Variants in SMC5 observed in about 807,000 individuals in gnomAD.
SMC5 encodes the protein structural maintenance of chromosomes protein 5.
A neutral mutation model predicts 148.3 loss-of-function variants in SMC5; 88 were observed. The ratio of observed to expected loss-of-function variants is 0.59; its 90% CI spans 0.50 to 0.71. The LOEUF (loss-of-function observed/expected upper bound fraction) is 0.71. SMC5 is among the 30% of genes least tolerant of loss of function. The pLI, the probability that SMC5 is intolerant of heterozygous loss-of-function variation, is 0.00. For missense variants in SMC5, 1,142 were observed against 1,298.9 expected (o/e 0.88, Z 1.86); for synonymous variants, 421 against 432.8 (o/e 0.97, Z 0.34).
chr9:70,269,793 G>A (rs1337558694), intron 3 of SMC5, among the ~76,000 whole-genome samples: 1 of 152,154 alleles, frequency 6.6e-6, no homozygotes, highest in African/African-American at 2.4e-5. Flanking sequence ...CTGTAAAGTT[G>A]TTGATTTAAA....
At chr9:70,301,487 C>G (rs542403687) in intron 10 of SMC5, among the ~76,000 whole-genome samples, 1 of 152,318 alleles carries the variant, frequency 6.6e-6, no homozygotes, top group East Asian at 1.9e-4. Context: ...CTTTCTAGGT[C>G]TAGTTGAAAT....
In SMC5 at chr9:70,268,072, T is replaced by G; in HGVS notation, c.380+97T>G. On this transcript the variant is annotated intron_variant, in intron 3 of 24. Transcript: ENST00000361138. ...TTAGAAAAGAGTATTAATATAGTAT[T>G]ATGGCATAAATATTGGAAATAATAT... The G allele has an allele frequency of 1.9e-5, 16 of 855,808 alleles. 1 individual carries two copies. The highest frequency in any genetic ancestry group is 8.1e-5 in the Admixed American group (3 of 37,218). The allele number at this position is 855,808 out of a possible 1,614,324, so 53.0% of individuals were successfully genotyped here. A position where few individuals can be genotyped will look rare whatever the true frequency, so the allele number is the denominator to read the frequency against.
At chr9:70,330,220 A>T (rs2036184492) in intron 17 of SMC5, among the ~76,000 whole-genome samples, 1 of 152,178 alleles carries the variant, frequency 6.6e-6, no homozygotes, top group African/African-American at 2.4e-5. Context: ...TAGAGTGGAT[A>T]AATTTTTTTG....
At chr9:70,321,216 A>G (rs928385656) in intron 15 of SMC5, among the ~76,000 whole-genome samples, 7 of 152,104 alleles carry the variant, frequency 4.6e-5, no homozygotes, top group African/African-American at 1.7e-4. Flanking sequence ...GAAAGAGAGT[A>G]ATAGGGAAGG....
At chr9:70,320,860 G>A (rs1227445287) in intron 15 of SMC5, among the ~76,000 whole-genome samples, 1 of 152,172 alleles carries the variant, frequency 6.6e-6, no homozygotes, top group Non-Finnish European at 1.5e-5. Context: ...TTGCATGGCA[G>A]TGAAGAATCT....
chr9:70,264,755 C>G (rs913125430), intron 2 of SMC5, among the ~76,000 whole-genome samples: 2 of 152,146 alleles, frequency 1.3e-5, no homozygotes, highest in Admixed American at 6.5e-5. Flanking sequence ...GAAACAAAAT[C>G]CAGTCATATG....
rs191697498 is a variant in SMC5 at position 70,304,497 on chromosome 9, G to A, written c.1465-750G>A. On this transcript the variant is annotated intron_variant, in intron 10 of 24. Transcript: ENST00000361138. ...AGGTCAGGAGTTCGAGACCAGCCTGGCCAACATGATTAAACCCTGTCTCTA... is the reference window on the plus strand; with the variant it reads ...AGGTCAGGAGTTCGAGACCAGCCTGACCAACATGATTAAACCCTGTCTCTA... 3.8e-3 allele frequency among the ~76,000 whole-genome samples: 571 copies of A among 152,194 alleles called. 2 individuals carry two copies. The highest frequency in any genetic ancestry group is 6.6e-3 in the Non-Finnish European group (451 of 68,000).
chr9:70,337,608 G>C (rs931753036), intron 17 of SMC5, among the ~76,000 whole-genome samples: 2 of 151,854 alleles, frequency 1.3e-5, no homozygotes, highest in Non-Finnish European at 2.9e-5. Flanking sequence ...GGCGAGCGCC[G>C]CCACACCCTG....
chr9:70,272,643 G>C (rs1383922485), intron 3 of SMC5, among the ~76,000 whole-genome samples: 1 of 152,166 alleles, frequency 6.6e-6, no homozygotes, highest in Non-Finnish European at 1.5e-5. Flanking sequence ...CTGAGCTGAA[G>C]ATAAACACAT....
chr9:70,350,403 G>C lies in SMC5; in HGVS notation c.3097G>C (p.Val1033Leu). The stretch of plus-strand genomic sequence containing the variant: ...AATGGACCCAATCAATGAACGGAGA[G>C]TGTTTGAAATGGTTGTAAATACTGC... ...QGMDPINERR[V>L]FEMVVNTACK... Residue 1033 changes from valine to leucine, a missense_variant, in exon 24 of 25, where the codon GTG becomes CTG. Val to Leu is a conservative substitution (Grantham distance 32). Transcript: ENST00000361138. 6.2e-7 allele frequency: 1 copy of C among 1,608,368 alleles called. No homozygotes were observed. Among genetic ancestry groups the C allele is most frequent in the South Asian group, 1.1e-5 (1 of 89,492 alleles).
chr9:70,300,961 TTC>T (rs2118417982), intron 10 of SMC5, among the ~76,000 whole-genome samples: 1 of 152,284 alleles, frequency 6.6e-6, no homozygotes, highest in South Asian at 2.1e-4. Context: ...AAAAATTCTA[TTC>T]TCTGTAACTC....
At position 70,352,628 on chromosome 9, in the gene SMC5, A is replaced by G; in HGVS notation, c.*297A>G. The G allele has an allele frequency of 4.1e-6, 1 of 241,166 alleles. No individual in the cohort carries two copies. Among genetic ancestry groups the G allele is most frequent in the Non-Finnish European group, 8.0e-6 (1 of 124,610 alleles). 14.9% of individuals were successfully genotyped at this position (241,166 alleles called of 1,614,324 possible). On this transcript the variant is annotated 3_prime_UTR_variant, in exon 25 of 25. Transcript: ENST00000361138. ...TATTACAAATCAAAGGTACAGTGGA[A>G]GAAGGGTTAATCACAAGAAGTTACT...
chr9:70,269,131 T>C (rs1386573535), intron 3 of SMC5, among the ~76,000 whole-genome samples: 1 of 152,180 alleles, frequency 6.6e-6, no homozygotes, highest in African/African-American at 2.4e-5. Flanking sequence ...TTTATTTATA[T>C]AGAGATGAGA....
chr9:70,313,746 C>T (rs972269000), intron 11 of SMC5, among the ~76,000 whole-genome samples: 9 of 152,090 alleles, frequency 5.9e-5, no homozygotes, highest in South Asian at 2.1e-4. Flanking sequence ...TTGATCCGCC[C>T]GTCTCGGCCT....
At chr9:70,318,737 A>G (rs531293441) in intron 14 of SMC5, 50 bp downstream of exon 14, 1 of 1,558,696 alleles carries the variant, frequency 6.4e-7, no homozygotes, top group Non-Finnish European at 8.6e-7. Context: ...CTGGATTTCT[A>G]ATAGTTTCAC....
chr9:70,314,907 T>C (rs954366785), intron 12 of SMC5, 71 bp downstream of exon 12: 15 of 974,542 alleles, frequency 1.5e-5, no homozygotes, highest in Non-Finnish European at 2.1e-5. Context: ...ATAAATAAGC[T>C]ATTACAAGCT....
Position 70,300,205 on chromosome 9 carries a change from G to T in SMC5, c.1464+5G>T. On this transcript the variant is annotated splice_donor_5th_base_variant and intron_variant, in intron 10 of 24. Transcript: ENST00000361138. ...TGTGAGCCCATAATGCTCACGGTAA[G>T]AAACTTTGTTCATCTTGGTAGTATT... 1 of 1,577,002 alleles carries T rather than the reference G, an allele frequency of 6.3e-7. No homozygotes were observed. Among genetic ancestry groups the T allele is most frequent in the South Asian group, 1.2e-5 (1 of 84,118 alleles).
rs1409662942 is a variant in SMC5 at position 70,260,917 on chromosome 9, T to A, written c.185+1654T>A. ...ACCATACCTGGCTAATGTTTTAAAA[T>A]TTTTTTGTAGAGATGGGGTTTCACC... is the stretch of plus-strand genomic sequence containing the variant. On this transcript the variant is annotated intron_variant, in intron 1 of 24. Coordinates refer to ENST00000361138, the MANE Select transcript of SMC5 (RefSeq NM_015110.4). 2.0e-5 allele frequency among the ~76,000 whole-genome samples: 3 copies of A among 152,078 alleles called. No homozygotes were observed. In the South Asian group the frequency reaches 6.2e-4, roughly 32 times the overall value.
At chr9:70,349,193 A>G (rs534452122) in intron 22 of SMC5, among the ~76,000 whole-genome samples, 2 of 152,324 alleles carry the variant, frequency 1.3e-5, no homozygotes, top group African/African-American at 4.8e-5. Flanking sequence ...CAGACTCCCA[A>G]GTAGCTGGGA....
Sources: allele counts gnomAD v4.1 joint callset (sites outside exome capture counted in the v4.1 genomes callset), GRCh38; gene constraint gnomAD v4.1.1; transcripts MANE v1.5; gene names NCBI Gene and HGNC (gene_info 2026-07-23, HGNC 2026-07-21).